The following ZNF654 variants were observed in gnomAD, a reference collection of about 807,000 sequenced individuals.
The protein encoded by ZNF654 is zinc finger protein 654.
In ZNF654, 19 loss-of-function variants were observed where a neutral mutation model predicts 95.3. The ratio of observed to expected loss-of-function variants is 0.20; its 90% CI spans 0.14 to 0.29. The LOEUF is 0.29. Ranked by LOEUF, ZNF654 falls within the 10% of genes least tolerant of loss-of-function variation. The probability of loss-of-function intolerance (pLI) is 1.00; values close to 1 mark genes in which losing one functional copy is unlikely to be tolerated. For synonymous variants in ZNF654, 413 were observed against 457.9 expected (o/e 0.90, Z 1.25); for missense variants, 1,046 against 1,341.0 (o/e 0.78, Z 3.44).
At chr3:88,106,488 C>T (rs1048375133) in intron 2 of ZNF654, among the ~76,000 whole-genome samples, 5 of 151,930 alleles carry the variant, frequency 3.3e-5, no homozygotes, top group African/African-American at 1.2e-4. Flanking sequence ...CACATGTGTG[C>T]AGCCACCCCC....
At chr3:88,110,671 C>A (rs1705035120) in intron 2 of ZNF654, among the ~76,000 whole-genome samples, 1 of 152,024 alleles carries the variant, frequency 6.6e-6, no homozygotes, top group East Asian at 1.9e-4. Context: ...CTGCACCCTA[C>A]AGAGTTTTCT....
At position 88,140,478 on chromosome 3, in the gene ZNF654, A is replaced by G. The variant is rs996386913; in HGVS notation, c.2809A>G (p.Ser937Gly). The G allele has an allele frequency of 1.2e-6, 2 of 1,613,640 alleles. No homozygotes were observed. Among genetic ancestry groups the G allele is most frequent in the Admixed American group, 1.7e-5 (1 of 59,946 alleles). The change falls in exon 8 of 9, where the codon AGT becomes GGT. Residue 937 changes from serine (S) to glycine (G), a missense_variant. Transcript: ENST00000636215. Reference protein sequence around the residue: ...CIESMEKKTDSLVQNGNERSD... With the variant: ...CIESMEKKTDGLVQNGNERSD... ...AGAAAGTATGGAAAAGAAAACAGAC[A>G]GTTTAGTTCAGAATGGAAACGAACG...
chr3:88,079,275 A>G (rs1707963696), intron 1 of ZNF654, among the ~76,000 whole-genome samples: 1 of 152,064 alleles, frequency 6.6e-6, no homozygotes, highest in Admixed American at 6.5e-5. Flanking sequence ...GAACATCCAC[A>G]TTTTGGAGCA....
intron 2 of ZNF654, among the ~76,000 whole-genome samples, chr3:88,092,189 A>T (rs1703783182): frequency 6.6e-6 from 1 of 152,222 alleles, no homozygotes; most frequent in African/African-American, 2.4e-5. Context: ...AAAGAGTAGT[A>T]AATCTACAAT....
rs187646398 is a variant in ZNF654 at position 88,112,310 on chromosome 3, G to A, written c.333-805G>A. On this transcript the variant is annotated intron_variant, in intron 2 of 8. Transcript: ENST00000636215. ...ACTATTAAAAAAACAACTTTAGGTA[G>A]TTACACTTGAGGATCTGCTAGATGA... 1.8e-4 allele frequency among the ~76,000 whole-genome samples: 27 copies of A among 151,692 alleles called. No individual in the cohort carries two copies. In the East Asian group the frequency reaches 5.2e-3, roughly 29 times the overall value.
At chr3:88,060,445 C>G (rs1706807057) in intron 1 of ZNF654, among the ~76,000 whole-genome samples, 2 of 152,152 alleles carry the variant, frequency 1.3e-5, no homozygotes, top group South Asian at 4.1e-4. Flanking sequence ...GGTTTGTTCC[C>G]ATTCACAACA....
At chr3:88,068,644 A>G (rs1191422956) in intron 1 of ZNF654, among the ~76,000 whole-genome samples, 2 of 152,160 alleles carry the variant, frequency 1.3e-5, no homozygotes, top group Admixed American at 1.3e-4. Flanking sequence ...TTATATATGT[A>G]TATGCTGTAT....
chr3:88,097,405 C>T (rs572791721), intron 2 of ZNF654, among the ~76,000 whole-genome samples: 9 of 151,538 alleles, frequency 5.9e-5, no homozygotes, highest in Admixed American at 2.0e-4. Context: ...CACCCACTGT[C>T]AATATTAGAC....
At chr3:88,112,848 G>A (rs1705177705) in intron 2 of ZNF654, among the ~76,000 whole-genome samples, 4 of 151,890 alleles carry the variant, frequency 2.6e-5, no homozygotes, top group Non-Finnish European at 5.9e-5. Flanking sequence ...AAATTGTATT[G>A]CATTGTGGTC....
At position 88,080,430 on chromosome 3, in the gene ZNF654, A is replaced by C. The variant is rs375741362; in HGVS notation, c.187-5827A>C. ...TGATAGCTCTTGTTTGTTACATGCCAGGAATTATCCTATATTTTAATATAT... is the reference window on the plus strand; with the variant it reads ...TGATAGCTCTTGTTTGTTACATGCCCGGAATTATCCTATATTTTAATATAT... On this transcript the variant is annotated intron_variant, in intron 1 of 8. Coordinates refer to ENST00000636215, the MANE Select transcript of ZNF654 (RefSeq NM_001350134.2). 9.8e-5 allele frequency among the ~76,000 whole-genome samples: 15 copies of C among 152,298 alleles called. 1 individual carries two copies. In the East Asian group the frequency reaches 1.5e-3, roughly 16 times the overall value.
chr3:88,123,088 A>G (rs563944598), intron 3 of ZNF654, among the ~76,000 whole-genome samples: 1 of 152,122 alleles, frequency 6.6e-6, no homozygotes, highest in East Asian at 1.9e-4. Context: ...TAAGTTGTGC[A>G]TTCTACAGTA....
At chr3:88,113,289 T>A (rs1364850188) in intron 3 of ZNF654, 93 bp downstream of exon 3, 6 of 716,666 alleles carry the variant, frequency 8.4e-6, no homozygotes, top group Non-Finnish European at 1.3e-5. Flanking sequence ...TTATTGCTTA[T>A]AAGTTTTTAA....
intron 2 of ZNF654, among the ~76,000 whole-genome samples, chr3:88,102,453 A>C (rs1375261495): frequency 6.6e-6 from 1 of 152,196 alleles, no homozygotes; most frequent in Non-Finnish European, 1.5e-5. Context: ...AATCCCATAC[A>C]GTGTATTTTT....
Position 88,077,331 on chromosome 3 carries a change from A to ATTT in ZNF654, c.187-8924_187-8923insTTT, listed in dbSNP as rs372006323. ...AAAAGAGAAAAAGTTGCAGACTTAA[A>ATTT]TTGTTTTTTTTTTTTTTTTTGAGAC... On this transcript the variant is annotated intron_variant, in intron 1 of 8. Transcript: ENST00000636215. Among the ~76,000 whole-genome samples the ATTT allele has an allele frequency of 7.9e-5, 11 of 139,706 alleles. 2 individuals are homozygous for ATTT. The highest frequency in any genetic ancestry group is 1.1e-4 in the African/African-American group (4 of 37,612). 91.7% of individuals were successfully genotyped at this position (139,706 alleles called of 152,430 possible).
At chr3:88,110,498 T>TA (rs1026289402) in intron 2 of ZNF654, among the ~76,000 whole-genome samples, 1 of 152,126 alleles carries the variant, frequency 6.6e-6, no homozygotes, top group African/African-American at 2.4e-5. Context: ...TCTTTTGACT[T>TA]AAAAAAATTT....
intron 2 of ZNF654, among the ~76,000 whole-genome samples, chr3:88,097,176 T>A (rs932269032): frequency 3.5e-4 from 53 of 152,128 alleles, no homozygotes; most frequent in African/African-American, 1.3e-3. Context: ...ATATCTTAGA[T>A]GTATCCTAGG....
Position 88,140,543 on chromosome 3 carries a change from A to C in ZNF654, c.2874A>C (p.Gln958His). ...DTVSNISLID[Q>H]KMPDIEPNSE... The stretch of plus-strand genomic sequence containing the variant: ...TTTCAAATATAAGCTTGATAGACCA[A>C]AAGATGCCTGACATAGAGCCAAATT... The change falls in exon 8 of 9, where the codon CAA becomes CAC. Residue 958 changes from glutamine (Q) to histidine (H), a missense_variant. Transcript: ENST00000636215. 3 of 1,613,774 alleles carry C rather than the reference A, an allele frequency of 1.9e-6. No individual in the cohort carries two copies. The highest frequency in any genetic ancestry group is 2.5e-6 in the Non-Finnish European group (3 of 1,179,730).
intron 2 of ZNF654, chr3:88,095,356 CAG>C (rs1703995506): frequency 3.6e-6 from 1 of 274,550 alleles, no homozygotes. Context: ...AAGGAAGAGA[CAG>C]GAATGTGAAT....
rs73844854 is a variant in ZNF654, at chr3:88,075,608, A to G, written c.187-10649A>G. Among the ~76,000 whole-genome samples the G allele has an allele frequency of 3.0e-3, 461 of 152,236 alleles. 3 individuals are homozygous for G. Among genetic ancestry groups the G allele is most frequent in the African/African-American group, 0.011 (443 of 41,540 alleles). ...TTTTAATTATTCCAGGCCTTGCATA[A>G]TTTGTTCTACTTTATTGGCAGAATA... On this transcript the variant is annotated intron_variant, in intron 1 of 8. Transcript: ENST00000636215.
Sources: gnomAD v4.1 joint callset for allele counts (sites outside exome capture counted in the v4.1 genomes callset) on GRCh38, gnomAD v4.1.1 for gene constraint, MANE v1.5 for transcripts, NCBI Gene and HGNC (gene_info 2026-07-23, HGNC 2026-07-21) for gene names.